The following XRRA1 variants were observed in gnomAD, a reference collection of about 807,000 sequenced individuals.
XRRA1 encodes the protein X-ray radiation resistance associated 1.
Under a neutral mutation model 80.2 loss-of-function variants are expected in XRRA1, and 69 were observed. The ratio of observed to expected loss-of-function variants is 0.86; its 90% CI spans 0.71 to 1.05. The LOEUF (loss-of-function observed/expected upper bound fraction) is 1.05. Ranked by LOEUF, XRRA1 falls within the 50% of genes least tolerant of loss-of-function variation. XRRA1 has a pLI of 0.00. For synonymous variants in XRRA1, 348 were observed against 389.9 expected (o/e 0.89, Z 1.27); for missense variants, 967 against 976.4 (o/e 0.99, Z 0.13).
At chr11:74,888,476 A>G (rs1170725013) in intron 10 of XRRA1, among the ~76,000 whole-genome samples, 1 of 152,224 alleles carries the variant, frequency 6.6e-6, no homozygotes, top group Non-Finnish European at 1.5e-5. Context: ...GAAAAAACAG[A>G]GCAGAAAAAC....
rs538795420 is a variant in XRRA1 at position 74,872,024 on chromosome 11, T to C, written c.1004-9003A>G. On this transcript the variant is annotated intron_variant, in intron 10 of 18. Coordinates refer to ENST00000684022, the MANE Select transcript of XRRA1 (RefSeq NM_001378157.1). ...AGAGAAAATAGGGAAGGTGAAGAGATAGGGGAACCATCATTCCCAGTAGAG... is the reference window on the plus strand; with the variant it reads ...AGAGAAAATAGGGAAGGTGAAGAGACAGGGGAACCATCATTCCCAGTAGAG... 2.6e-5 allele frequency among the ~76,000 whole-genome samples: 4 copies of C among 152,292 alleles called. No individual in the cohort carries two copies. The South Asian group carries it at 6.2e-4, about 24-fold the overall frequency.
intron 10 of XRRA1, among the ~76,000 whole-genome samples, chr11:74,903,359 G>A (rs1165206777): frequency 6.6e-6 from 1 of 152,194 alleles, no homozygotes; most frequent in Non-Finnish European, 1.5e-5. Context: ...GGGAAGAGAT[G>A]TGTGAAATGT....
rs746795831 is a variant in XRRA1, at chr11:74,863,049, G to A, written c.1004-28C>T. ...GAAACAGAAGAGAAACAGAATGAAG[G>A]TTGGTGAGACCGCTGATTGATGCCT... On this transcript the variant is annotated intron_variant, in intron 10 of 18. Coordinates refer to ENST00000684022, the MANE Select transcript of XRRA1 (RefSeq NM_001378157.1). 3.1e-6 allele frequency: 5 copies of A among 1,592,174 alleles called. No individual in the cohort carries two copies. The Admixed American group carries it at 7.0e-5, about 22-fold the overall frequency.
intron 8 of XRRA1, among the ~76,000 whole-genome samples, chr11:74,920,773 A>G (rs1013465337): frequency 6.6e-6 from 1 of 152,258 alleles, no homozygotes; most frequent in African/African-American, 2.4e-5. Flanking sequence ...ATGAGTTAAC[A>G]TACATAATGC....
intron 10 of XRRA1, among the ~76,000 whole-genome samples, chr11:74,884,478 T>G (rs2048524858): frequency 6.6e-6 from 1 of 152,222 alleles, no homozygotes; most frequent in Non-Finnish European, 1.5e-5. Flanking sequence ...CAGTTTTTAG[T>G]GTCTATGCAC....
In XRRA1 at chr11:74,949,033, T is replaced by C; in HGVS notation, c.-178A>G. 2 of 376,590 alleles carry C rather than the reference T, an allele frequency of 5.3e-6. No individual in the cohort carries two copies. The highest frequency in any genetic ancestry group is 9.8e-6 in the Non-Finnish European group (2 of 204,858). 23.3% of individuals were successfully genotyped at this position (376,590 alleles called of 1,614,324 possible). A position where few individuals can be genotyped will look rare whatever the true frequency, so the allele number is the denominator to read the frequency against. On this transcript the variant is annotated 5_prime_UTR_variant, in exon 1 of 19. Coordinates refer to ENST00000684022, the MANE Select transcript of XRRA1 (RefSeq NM_001378157.1). ...CCCGGGGATCTCGGAGCCGCTCCACTGCGGTGCCTGCCGCTATCTTCCCCA... is the reference window on the plus strand; with the variant it reads ...CCCGGGGATCTCGGAGCCGCTCCACCGCGGTGCCTGCCGCTATCTTCCCCA...
chr11:74,895,874 C>A (rs939217445), intron 10 of XRRA1, among the ~76,000 whole-genome samples: 5 of 152,120 alleles, frequency 3.3e-5, no homozygotes, highest in African/African-American at 1.2e-4. Context: ...CATCACATGG[C>A]CCTTGATAAC....
At chr11:74,854,517 C>CT (rs1244235285) in intron 12 of XRRA1, among the ~76,000 whole-genome samples, 1 of 152,150 alleles carries the variant, frequency 6.6e-6, no homozygotes, top group Non-Finnish European at 1.5e-5. Context: ...GGTATGGTGG[C>CT]TTTTTTCCAA....
chr11:74,869,470 G>C (rs1251319459), intron 10 of XRRA1, among the ~76,000 whole-genome samples: 1 of 152,186 alleles, frequency 6.6e-6, no homozygotes, highest in African/African-American at 2.4e-5. Flanking sequence ...AAGCAAGCTG[G>C]AAGTTTGCAT....
At chr11:74,939,887 G>C (rs1425032010) in intron 3 of XRRA1, among the ~76,000 whole-genome samples, 1 of 152,156 alleles carries the variant, frequency 6.6e-6, no homozygotes, top group African/African-American at 2.4e-5. Context: ...GAGAGAGAGC[G>C]AGAGCAAGAG....
Position 74,906,391 on chromosome 11 carries a change from A to G in XRRA1, c.851T>C (p.Leu284Pro). 1 of 1,614,006 alleles carries G rather than the reference A, an allele frequency of 6.2e-7. No individual in the cohort carries two copies. Among genetic ancestry groups the G allele is most frequent in the Non-Finnish European group, 8.5e-7 (1 of 1,179,892 alleles). The change falls in exon 10 of 19, where the codon CTC becomes CCC. Residue 284 changes from leucine (L) to proline (P), a missense_variant. Transcript: ENST00000684022. ...IRIPYLQQVQ[L>P]YDESVDWNGG... is the part of the protein sequence containing the mutation. ...ATTCCAGTCTACTGACTCGTCATAG[A>G]GCTGAACTTGCTGTAGGTATGGGAT...
intron 3 of XRRA1, among the ~76,000 whole-genome samples, chr11:74,940,431 G>A (rs1209338104): frequency 6.6e-6 from 1 of 152,190 alleles, no homozygotes; most frequent in Non-Finnish European, 1.5e-5. Flanking sequence ...TGGCTAACAA[G>A]AATGAGGGCT....
chr11:74,943,474 G>A (rs1946752929), intron 2 of XRRA1, among the ~76,000 whole-genome samples: 1 of 150,832 alleles, frequency 6.6e-6, no homozygotes, highest in South Asian at 2.1e-4. Flanking sequence ...AGTTGGGCAG[G>A]CTATGTGAGT....
intron 10 of XRRA1, among the ~76,000 whole-genome samples, chr11:74,895,950 A>G (rs888750525): frequency 2.0e-5 from 3 of 152,192 alleles, no homozygotes; most frequent in African/African-American, 7.2e-5. Context: ...CTTTGAAGGG[A>G]AGGACCTAGT....
intron 10 of XRRA1, among the ~76,000 whole-genome samples, chr11:74,875,901 T>C (rs550178583): frequency 6.6e-6 from 1 of 152,084 alleles, no homozygotes; most frequent in Admixed American, 6.6e-5. Flanking sequence ...AACAGGCATC[T>C]CCTTCCTCCT....
chr11:74,908,026 AC>A (rs1446077270), intron 8 of XRRA1, among the ~76,000 whole-genome samples: 2 of 152,172 alleles, frequency 1.3e-5, no homozygotes, highest in African/African-American at 2.4e-5. Context: ...GGCAGATGAC[AC>A]AAATAACGTT....
intron 11 of XRRA1, 145 bp from the exon 12 acceptor site, chr11:74,859,428 G>A: frequency 1.1e-6 from 1 of 883,340 alleles, no homozygotes. Context: ...GGTCATAAGG[G>A]TAGATGTCGC....
Position 74,843,454 on chromosome 11 carries a change from C to A in XRRA1, c.2150-1G>T. ...TCTGTCCACTGGTGCAGGACAGCACCTGCAGGAAAAGAAGCCAGGAGAGGC... is the reference window on the plus strand; with the variant it reads ...TCTGTCCACTGGTGCAGGACAGCACATGCAGGAAAAGAAGCCAGGAGAGGC... On this transcript the variant is annotated splice_acceptor_variant, in intron 18 of 18. Transcript: ENST00000684022. LOFTEE classifies it high-confidence loss of function. 1 of 1,610,712 alleles carries A rather than the reference C, an allele frequency of 6.2e-7. No individual in the cohort carries two copies. Among genetic ancestry groups the A allele is most frequent in the East Asian group, 2.2e-5 (1 of 44,748 alleles).
At chr11:74,874,684 T>C (rs958104747) in intron 10 of XRRA1, among the ~76,000 whole-genome samples, 1 of 152,320 alleles carries the variant, frequency 6.6e-6, no homozygotes, top group African/African-American at 2.4e-5. Context: ...GCTCTGATAT[T>C]AGAAGGGTCT....
Sources: gnomAD v4.1 joint callset for allele counts (sites outside exome capture counted in the v4.1 genomes callset) on GRCh38, gnomAD v4.1.1 for gene constraint, MANE v1.5 for transcripts, NCBI Gene and HGNC (gene_info 2026-07-23, HGNC 2026-07-21) for gene names.